STK25: variants seen among roughly 807,000 people sequenced by gnomAD.
STK25 encodes serine/threonine kinase 25, also known as serine/threonine-protein kinase 25.
In STK25, 29 loss-of-function variants were observed where a neutral mutation model predicts 53.8. The observed-to-expected ratio is 0.54, with a 90% CI of 0.40 to 0.74. The LOEUF is 0.74. Ranked by LOEUF, STK25 falls within the 30% of genes least tolerant of loss-of-function variation. The pLI is 0.00. For synonymous variants in STK25, 247 were observed against 238.3 expected (o/e 1.04, Z -0.33); for missense variants, 420 against 568.0 (o/e 0.74, Z 2.65).
intron 9 of STK25, 74 bp from the exon 10 acceptor site, chr2:241,497,761 G>T: frequency 6.9e-7 from 1 of 1,447,672 alleles, no homozygotes; most frequent in Non-Finnish European, 9.7e-7. Flanking sequence ...CCCTGCCCAG[G>T]CTCTAGCCTT....
chr2:241,505,389 G>A (rs2065763785), intron 2 of STK25, among the ~76,000 whole-genome samples: 1 of 152,162 alleles, frequency 6.6e-6, no homozygotes. Context: ...GAGGTCTGTT[G>A]GTGCCCTGAG....
chr2:241,508,852 C>T (rs1234985301), upstream of STK25, among the ~76,000 whole-genome samples: 1 of 152,186 alleles, frequency 6.6e-6, no homozygotes, highest in Non-Finnish European at 1.5e-5. Flanking sequence ...CGCGTCGCGC[C>T]CTCCCTGCCT....
Position 241,501,320 on chromosome 2 carries a change from G to A in STK25, c.261+158C>T, listed in dbSNP as rs886811168. ...TTAGAGCCAACTGACCCTCGTGGAC[G>A]AGGGCTCACACCCTGCCTGCCCAGG... On this transcript the variant is annotated intron_variant, in intron 3 of 11. Transcript: ENST00000316586. The surrounding 1 kb of genome is among the most constrained non-coding windows in gnomAD (Gnocchi z 5.3). The A allele has an allele frequency of 1.8e-5, 13 of 726,614 alleles. No homozygotes were observed. The highest frequency in any genetic ancestry group is 9.8e-5 in the South Asian group (6 of 61,062). The allele number at this position is 726,614 out of a possible 1,614,324, so 45.0% of individuals were successfully genotyped here.
intron 2 of STK25, among the ~76,000 whole-genome samples, chr2:241,504,670 G>A (rs1268234191): frequency 1.3e-5 from 2 of 152,186 alleles, no homozygotes; most frequent in African/African-American, 4.8e-5. Flanking sequence ...GGGTCTCGCT[G>A]TGTGCCCAGG....
At chr2:241,499,821 G>A (rs980463400) in intron 5 of STK25, 10 of 455,672 alleles carry the variant, frequency 2.2e-5, no homozygotes, top group South Asian at 6.3e-5. Flanking sequence ...CCTCCCCATG[G>A]GCTGGCCCAG....
intron 9 of STK25, 42 bp downstream of exon 9, chr2:241,498,193 C>A: frequency 6.4e-7 from 1 of 1,574,288 alleles, no homozygotes. Flanking sequence ...ATCCCACGGC[C>A]CCAGGGGTGC....
At position 241,508,306 on chromosome 2, in the gene STK25, C is replaced by T. The variant is rs531121864; in HGVS notation, c.-101+137G>A. On this transcript the variant is annotated intron_variant, in intron 1 of 11. Transcript: ENST00000316586. ...CCCGGGGGCTCGCCGCCCCTCCCGT[C>T]GCCGCCCCCACCTCTTCCAAGGCAG... is the stretch of plus-strand genomic sequence containing the variant. 19 of 1,248,646 alleles carry T rather than the reference C, an allele frequency of 1.5e-5. No homozygotes were observed. In the East Asian group the frequency reaches 4.5e-4, roughly 30 times the overall value. The allele number at this position is 1,248,646 out of a possible 1,614,324, so 77.3% of individuals were successfully genotyped here. A position where few individuals can be genotyped will look rare whatever the true frequency, so the allele number is the denominator to read the frequency against.
At chr2:241,507,604 G>T (rs2065915891) in intron 2 of STK25, among the ~76,000 whole-genome samples, 1 of 152,198 alleles carries the variant, frequency 6.6e-6, no homozygotes, top group South Asian at 2.1e-4. Context: ...AGCCCAACAC[G>T]GCCAGAATGA....
intron 3 of STK25, 38 bp from the exon 4 acceptor site, chr2:241,500,834 A>G (rs1353106386): frequency 1.9e-6 from 3 of 1,608,422 alleles, no homozygotes; most frequent in Non-Finnish European, 2.6e-6. Context: ...TTTGGCAGCA[A>G]GAGGAAGGGC....
intron 9 of STK25, 112 bp downstream of exon 9, chr2:241,498,123 C>T: frequency 1.9e-6 from 2 of 1,049,714 alleles, no homozygotes; most frequent in East Asian, 4.8e-5. Flanking sequence ...CTGCCTTTCC[C>T]AAGCTCCTTG....
In STK25 at chr2:241,501,811, G is replaced by T; in HGVS notation, c.31-103C>A. 1.2e-6 allele frequency: 1 copy of T among 802,552 alleles called. No individual in the cohort carries two copies. Among genetic ancestry groups the T allele is most frequent in the Non-Finnish European group, 2.0e-6 (1 of 495,104 alleles). 49.7% of individuals were successfully genotyped at this position (802,552 alleles called of 1,614,324 possible). On this transcript the variant is annotated intron_variant, in intron 2 of 11. Transcript: ENST00000316586. This position sits in a 1 kb window ranked among gnomAD's most constrained non-coding sequence, Gnocchi z 5.3. ...GGGGAGGAAGGGACCTGTAGGGAAG[G>T]GGGAGTCCAAGGGAGCGCACCTCAA...
chr2:241,492,849 TTA>T lies in STK25; in HGVS notation c.*2811_*2812del. ...TCAGCTGGAGAAAGCATGCAGAGGC[TTA>T]GTCTTGGGGAGCAAACCCACTCCCA... On this transcript the variant is annotated 3_prime_UTR_variant, in exon 12 of 12. Coordinates refer to ENST00000316586, the MANE Select transcript of STK25 (RefSeq NM_001271977.2). 1.3e-6 allele frequency: 1 copy of T among 789,584 alleles called. No homozygotes were observed. Among genetic ancestry groups the T allele is most frequent in the East Asian group, 2.4e-5 (1 of 40,856 alleles). The allele number at this position is 789,584 out of a possible 1,614,324, so 48.9% of individuals were successfully genotyped here.
At position 241,496,681 on chromosome 2, in the gene STK25, G is replaced by T. The variant is rs1271838811; in HGVS notation, c.1105-147C>A. On this transcript the variant is annotated intron_variant, in intron 10 of 11. Coordinates refer to ENST00000316586, the MANE Select transcript of STK25 (RefSeq NM_001271977.2). The surrounding 1 kb of genome is among the most constrained non-coding windows in gnomAD (Gnocchi z 5.8). ...GGAGCCCTTCAGCAAGCCGGGAAGTGAGGTGGCCCAAGGAAGCCTCTGCCC... is the reference window on the plus strand; with the variant it reads ...GGAGCCCTTCAGCAAGCCGGGAAGTTAGGTGGCCCAAGGAAGCCTCTGCCC... 1 of 887,238 alleles carries T rather than the reference G, an allele frequency of 1.1e-6. No individual in the cohort carries two copies. The highest frequency in any genetic ancestry group is 1.7e-6 in the Non-Finnish European group (1 of 600,176). 55.0% of individuals were successfully genotyped at this position (887,238 alleles called of 1,614,324 possible).
chr2:241,506,102 G>A (rs1184453852), intron 2 of STK25, among the ~76,000 whole-genome samples: 1 of 152,236 alleles, frequency 6.6e-6, no homozygotes, highest in Non-Finnish European at 1.5e-5. Context: ...GGGCCAGGCA[G>A]GAACTGGCCA....
At chr2:241,502,747 T>C (rs925062269) in intron 2 of STK25, among the ~76,000 whole-genome samples, 9 of 150,174 alleles carry the variant, frequency 6.0e-5, no homozygotes, top group Admixed American at 2.0e-4. Context: ...CTCAAAAAAA[T>C]AAAAAATTTA....
chr2:241,501,764 G>T lies in STK25; in HGVS notation c.31-56C>A. Reference sequence around the variant, plus strand: ...ACAGCGCCGGTCACAAGAGGCGGGGGACAGGCAGAGGCTGCCCTGCTGGGG... The same window carrying T: ...ACAGCGCCGGTCACAAGAGGCGGGGTACAGGCAGAGGCTGCCCTGCTGGGG... On this transcript the variant is annotated intron_variant, in intron 2 of 11. Coordinates refer to ENST00000316586, the MANE Select transcript of STK25 (RefSeq NM_001271977.2). This position sits in a 1 kb window ranked among gnomAD's most constrained non-coding sequence, Gnocchi z 5.3. 1.4e-6 allele frequency: 2 copies of T among 1,418,286 alleles called. No individual in the cohort carries two copies. The highest frequency in any genetic ancestry group is 1.2e-5 in the South Asian group (1 of 82,736). The allele number at this position is 1,418,286 out of a possible 1,614,324, so 87.9% of individuals were successfully genotyped here.
chr2:241,495,512 C>G lies in STK25; in HGVS notation c.*150G>C, dbSNP rs960244420. 2 of 755,278 alleles carry G rather than the reference C, an allele frequency of 2.6e-6. No homozygotes were observed. The highest frequency in any genetic ancestry group is 4.6e-6 in the Non-Finnish European group (2 of 438,470). 46.8% of individuals were successfully genotyped at this position (755,278 alleles called of 1,614,324 possible). A position where few individuals can be genotyped will look rare whatever the true frequency, so the allele number is the denominator to read the frequency against. On this transcript the variant is annotated 3_prime_UTR_variant, in exon 12 of 12. Coordinates refer to ENST00000316586, the MANE Select transcript of STK25 (RefSeq NM_001271977.2). ...CTGCAGGGGTGGAAGGAGACGGTGA[C>G]CTGGTGACCTGGCATGTGAGGCCCA... is the stretch of plus-strand genomic sequence containing the variant.
At position 241,498,719 on chromosome 2, in the gene STK25, G is replaced by C; in HGVS notation, c.837C>G (p.Phe279Leu). The change falls in exon 8 of 12, where the codon TTC (phenylalanine) becomes TTG (leucine). Residue 279 changes from phenylalanine to leucine, a missense_variant. Coordinates refer to ENST00000316586, the MANE Select transcript of STK25 (RefSeq NM_001271977.2). The stretch of plus-strand genomic sequence containing the variant: ...TATAGCGGTCGATGAGCTCCGTGAG[G>C]AAGGAGGTCTTCTTGGTGTAGCGTG... ...FITRYTKKTS[F>L]LTELIDRYKR... 1 of 1,614,158 alleles carries C rather than the reference G, an allele frequency of 6.2e-7. No homozygotes were observed. The highest frequency in any genetic ancestry group is 1.1e-5 in the South Asian group (1 of 91,090).
At position 241,492,840 on chromosome 2, in the gene STK25, T is replaced by A. The variant is rs1436167636; in HGVS notation, c.*2822A>T. ...ACCAAGGCCTCAGCTGGAGAAAGCA[T>A]GCAGAGGCTTAGTCTTGGGGAGCAA... On this transcript the variant is annotated 3_prime_UTR_variant, in exon 12 of 12. Transcript: ENST00000316586. 7 of 742,808 alleles carry A rather than the reference T, an allele frequency of 9.4e-6. No individual in the cohort carries two copies. Among genetic ancestry groups the A allele is most frequent in the Non-Finnish European group, 1.7e-5 (7 of 414,470 alleles). The allele number at this position is 742,808 out of a possible 1,614,324, so 46.0% of individuals were successfully genotyped here. A position where few individuals can be genotyped will look rare whatever the true frequency, so the allele number is the denominator to read the frequency against.
Sources: gnomAD v4.1 joint callset for allele counts (sites outside exome capture counted in the v4.1 genomes callset) on GRCh38, gnomAD v4.1.1 for gene constraint, Gnocchi (gnomAD v3.1) non-coding constraint, MANE v1.5 for transcripts, NCBI Gene and HGNC (gene_info 2026-07-23, HGNC 2026-07-21) for gene names.